UPB1: variants seen among roughly 807,000 people sequenced by gnomAD.
UPB1 encodes beta-ureidopropionase.
A neutral mutation model predicts 49.1 loss-of-function variants in UPB1; 40 were observed. That is an observed-to-expected ratio of 0.81 (90% CI 0.63 to 1.06). The LOEUF is 1.06. Among genes scored for constraint, UPB1 ranks in the 50% least tolerant of loss-of-function variants. The probability of loss-of-function intolerance (pLI) is 0.00; values close to 1 mark genes in which losing one functional copy is unlikely to be tolerated. For missense variants in UPB1, 499 were observed against 505.9 expected (o/e 0.99, Z 0.13); for synonymous variants, 207 against 198.2 (o/e 1.04, Z -0.38).
At chr22:24,522,821 A>G (rs2147042575) in intron 8 of UPB1, among the ~76,000 whole-genome samples, 1 of 151,514 alleles carries the variant, frequency 6.6e-6, no homozygotes, top group African/African-American at 2.4e-5. Flanking sequence ...GCCCATACCT[A>G]TAATCCCAGC....
intron 1 of UPB1, 74 bp from the exon 2 acceptor site, chr22:24,500,033 A>G: frequency 2.5e-6 from 4 of 1,607,228 alleles, no homozygotes; most frequent in Non-Finnish European, 2.5e-6. Flanking sequence ...AATAGCTACA[A>G]GAAATGGGAG....
chr22:24,514,316 G>C (rs1322630315), intron 5 of UPB1, among the ~76,000 whole-genome samples: 2 of 152,090 alleles, frequency 1.3e-5, no homozygotes, highest in Non-Finnish European at 2.9e-5. Context: ...GTAACAGCTG[G>C]AGGTGGGGGT....
chr22:24,502,084 C>A, intron 2 of UPB1, 42 bp from the exon 3 acceptor site: 1 of 1,606,434 alleles, frequency 6.2e-7, no homozygotes, highest in Non-Finnish European at 8.5e-7. Context: ...AATTGCCTTA[C>A]CAATAGAACT....
chr22:24,528,024 G>A lies in UPB1; in HGVS notation c.*2230G>A, dbSNP rs1278586273. 1 of 152,322 alleles carries A rather than the reference G, an allele frequency of 6.6e-6. No homozygotes were observed. Among genetic ancestry groups the A allele is most frequent in the African/African-American group, 2.4e-5 (1 of 41,434 alleles). The allele number at this position is 152,322 out of a possible 1,614,324, so 9.4% of individuals were successfully genotyped here. ...GTCCCAGGTACTCAGCAGGCTGAGG[G>A]AGGAGAATCACTTGAACCCGGGAGG... On this transcript the variant is annotated 3_prime_UTR_variant, in exon 10 of 10. Coordinates refer to ENST00000326010, the MANE Select transcript of UPB1 (RefSeq NM_016327.3).
intron 3 of UPB1, among the ~76,000 whole-genome samples, chr22:24,504,052 A>AC (rs971615139): frequency 1.3e-5 from 2 of 151,876 alleles, no homozygotes; most frequent in African/African-American, 4.8e-5. Flanking sequence ...CGTATGAGGG[A>AC]CCCCCTGGTC....
intron 3 of UPB1, among the ~76,000 whole-genome samples, chr22:24,510,305 T>A (rs2044174983): frequency 6.6e-6 from 1 of 152,154 alleles, no homozygotes; most frequent in South Asian, 2.1e-4. Flanking sequence ...TTGTTTTGTG[T>A]CTTAGCATAT....
chr22:24,518,764 C>T (rs1368222605), intron 6 of UPB1, among the ~76,000 whole-genome samples: 1 of 152,206 alleles, frequency 6.6e-6, no homozygotes, highest in Non-Finnish European at 1.5e-5. Flanking sequence ...TCCCTTACAG[C>T]TTGGGTGACC....
chr22:24,523,837 A>G, intron 9 of UPB1, 64 bp downstream of exon 9: 1 of 1,610,506 alleles, frequency 6.2e-7, no homozygotes, highest in South Asian at 1.1e-5. Context: ...TGCTCTCAGG[A>G]ACTGCTGTTG....
chr22:24,497,287 A>G (rs1230480413), intron 1 of UPB1, among the ~76,000 whole-genome samples: 2 of 152,200 alleles, frequency 1.3e-5, no homozygotes, highest in African/African-American at 4.8e-5. Context: ...GAGTTTTGGG[A>G]CTAGGGGTGG....
chr22:24,509,679 A>C (rs2044161705), intron 3 of UPB1, among the ~76,000 whole-genome samples: 2 of 152,338 alleles, frequency 1.3e-5, no homozygotes, highest in South Asian at 4.1e-4. Context: ...GGCCAACAGC[A>C]TGAGATCTGC....
Position 24,515,183 on chromosome 22 carries a change from TG to T in UPB1, c.622-16del. 3.7e-6 allele frequency: 6 copies of T among 1,614,108 alleles called. No individual in the cohort carries two copies. Among genetic ancestry groups the T allele is most frequent in the Non-Finnish European group, 5.1e-6 (6 of 1,180,038 alleles). On this transcript the variant is annotated splice_polypyrimidine_tract_variant and intron_variant, in intron 5 of 9. Transcript: ENST00000326010. ...CTTGAAGGTCAGAGGCATCAGTATA[TG>T]GCCCTTTGCTTTTCAGTCAACTTAC...
intron 6 of UPB1, chr22:24,519,973 T>C: frequency 3.5e-6 from 1 of 287,236 alleles, no homozygotes; most frequent in South Asian, 3.3e-5. Flanking sequence ...GTGGTGGTTA[T>C]GGAACTCCTA....
chr22:24,512,625 G>A (rs777571753), intron 4 of UPB1, among the ~76,000 whole-genome samples: 3 of 151,936 alleles, frequency 2.0e-5, no homozygotes, highest in Non-Finnish European at 4.4e-5. Flanking sequence ...CACACTGTGC[G>A]GATCTCCAGA....
At chr22:24,502,289 G>A in intron 3 of UPB1, 76 bp downstream of exon 3, 1 of 1,448,706 alleles carries the variant, frequency 6.9e-7, no homozygotes, top group Non-Finnish European at 9.7e-7. Context: ...AAGAGTGTCT[G>A]CTGCCTGACT....
rs1568996470 is a variant in UPB1 at position 24,521,998 on chromosome 22, A to T, written c.886A>T (p.Asn296Tyr). Residue 296 changes from asparagine (N) to tyrosine (Y), a missense_variant, in exon 8 of 10, where the codon AAC (asparagine) becomes TAC (tyrosine). Transcript: ENST00000326010. ...TCTTATTTCACAGGAGCACTTCCCG[A>T]ACGAGTTTACCTCGGGAGATGGAAA... is the stretch of plus-strand genomic sequence containing the variant. Reference protein sequence around the residue: ...INRVGTEHFPNEFTSGDGKKA... With the variant: ...INRVGTEHFPYEFTSGDGKKA... 1 of 1,614,150 alleles carries T rather than the reference A, an allele frequency of 6.2e-7. No homozygotes were observed. The highest frequency in any genetic ancestry group is 8.5e-7 in the Non-Finnish European group (1 of 1,180,020).
intron 6 of UPB1, among the ~76,000 whole-genome samples, chr22:24,518,661 G>T (rs1347803613): frequency 6.6e-6 from 1 of 152,072 alleles, no homozygotes; most frequent in Admixed American, 6.6e-5. Flanking sequence ...GGGTCAGCAG[G>T]GTGTCCTCAT....
intron 4 of UPB1, among the ~76,000 whole-genome samples, chr22:24,512,345 C>G (rs1418230802): frequency 6.6e-6 from 1 of 152,164 alleles, no homozygotes; most frequent in Non-Finnish European, 1.5e-5. Context: ...TCTGAGCATG[C>G]CTCTCCCCTA....
intron 4 of UPB1, 54 bp downstream of exon 4, chr22:24,510,897 G>A (rs2044187392): frequency 6.3e-7 from 1 of 1,577,390 alleles, no homozygotes; most frequent in African/African-American, 1.3e-5. Flanking sequence ...GCAAGTCACA[G>A]AGCATGACCA....
intron 6 of UPB1, among the ~76,000 whole-genome samples, chr22:24,518,945 C>G (rs1426493305): frequency 6.6e-6 from 1 of 152,210 alleles, no homozygotes; most frequent in Non-Finnish European, 1.5e-5. Flanking sequence ...ACACTGGGCT[C>G]TCACTAACCC....
Sources: gnomAD v4.1 joint callset for allele counts (sites outside exome capture counted in the v4.1 genomes callset) on GRCh38, gnomAD v4.1.1 for gene constraint, MANE v1.5 for transcripts, NCBI Gene and HGNC (gene_info 2026-07-23, HGNC 2026-07-21) for gene names.